EPSTI1: variants seen among roughly 807,000 people sequenced by gnomAD.
EPSTI1 encodes the protein epithelial stromal interaction 1.
A neutral mutation model predicts 49.9 loss-of-function variants in EPSTI1; 66 were observed. The observed-to-expected ratio is 1.32, with a 90% CI of 1.08 to 1.62. The LOEUF (loss-of-function observed/expected upper bound fraction) is 1.62, where lower values mean the gene tolerates loss of function less well. Ranked by LOEUF, EPSTI1 falls within the 40% of genes most tolerant of loss-of-function variation. The pLI is 0.00. For missense variants in EPSTI1, 394 were observed against 365.5 expected (o/e 1.08, Z -0.64); for synonymous variants, 137 against 130.7 (o/e 1.05, Z -0.33).
chr13:42,971,337 G>GTGTA (rs2039762535), intron 1 of EPSTI1, among the ~76,000 whole-genome samples: 1 of 152,196 alleles, frequency 6.6e-6, no homozygotes, highest in African/African-American at 2.4e-5. Flanking sequence ...CTTGATTGAT[G>GTGTA]TGTATTCCAA....
intron 8 of EPSTI1, among the ~76,000 whole-genome samples, chr13:42,913,149 TA>T (rs202137916): frequency 2.6e-4 from 38 of 148,604 alleles, no homozygotes; most frequent in South Asian, 4.3e-4. Context: ...TCAGTGTCAG[TA>T]AAAAAAAAGA....
chr13:42,930,094 C>A (rs9562440), intron 6 of EPSTI1, among the ~76,000 whole-genome samples: 96,948 of 152,104 alleles, frequency 0.64, 31,169 homozygotes, highest in Non-Finnish European at 0.68. Context: ...GATGGATATT[C>A]AATATGCATA....
At chr13:42,926,986 A>AACACAC (rs1422487357) in intron 6 of EPSTI1, among the ~76,000 whole-genome samples, 5 of 68,172 alleles carry the variant, frequency 7.3e-5, no homozygotes, top group African/African-American at 3.0e-4. Context: ...ACCCTCTGTT[A>AACACAC]ACAGACACAC....
intron 6 of EPSTI1, among the ~76,000 whole-genome samples, chr13:42,951,311 G>A (rs1175854886): frequency 6.6e-6 from 1 of 152,104 alleles, no homozygotes; most frequent in African/African-American, 2.4e-5. Context: ...CTTATTTCAT[G>A]AGTTATTGGT....
At chr13:42,982,622 C>T (rs1034332088) in intron 1 of EPSTI1, among the ~76,000 whole-genome samples, 1 of 152,166 alleles carries the variant, frequency 6.6e-6, no homozygotes, top group Non-Finnish European at 1.5e-5. Flanking sequence ...CAAAGGGAAT[C>T]CCCAGAGAAA....
At chr13:42,983,755 A>T (rs1357500020) in intron 1 of EPSTI1, among the ~76,000 whole-genome samples, 1 of 152,128 alleles carries the variant, frequency 6.6e-6, no homozygotes, top group Non-Finnish European at 1.5e-5. Flanking sequence ...TTCAAGACTC[A>T]GTTTCCTCAT....
rs770941534 is a variant in EPSTI1 at position 42,926,041 on chromosome 13, A to AAGGAAGGAAGGAAGGT, written c.657+294_657+295insACCTTCCTTCCTTCCT. On this transcript the variant is annotated intron_variant, in intron 7 of 10. Coordinates refer to ENST00000313624, the MANE Select transcript of EPSTI1 (RefSeq NM_033255.5). ...GATGCATGGATGGAAGGAAGGAAGG[A>AAGGAAGGAAGGAAGGT]AGGAAGGTAGGAAGGATGGAAGGAT... Among the ~76,000 whole-genome samples the AAGGAAGGAAGGAAGGT allele has an allele frequency of 8.6e-4, 119 of 137,982 alleles. 2 individuals are homozygous for AAGGAAGGAAGGAAGGT. Among genetic ancestry groups the AAGGAAGGAAGGAAGGT allele is most frequent in the East Asian group, 1.7e-3 (8 of 4,780 alleles). The allele number at this position is 137,982 out of a possible 152,430, so 90.5% of individuals were successfully genotyped here.
intron 6 of EPSTI1, among the ~76,000 whole-genome samples, chr13:42,944,461 T>C (rs556920072): frequency 6.5e-4 from 99 of 151,346 alleles, no homozygotes; most frequent in African/African-American, 2.2e-3. Flanking sequence ...TAAGTGGGAG[T>C]TGAACAACGA....
chr13:42,902,612 T>G (rs1535895), intron 8 of EPSTI1, among the ~76,000 whole-genome samples: 2 of 152,042 alleles, frequency 1.3e-5, no homozygotes, highest in African/African-American at 4.8e-5. Flanking sequence ...TGATATGCAA[T>G]GTTTAACCAG....
intron 8 of EPSTI1, 34 bp downstream of exon 8, chr13:42,917,507 C>T (rs1161376812): frequency 1.3e-6 from 2 of 1,537,560 alleles, no homozygotes; most frequent in Admixed American, 3.5e-5. Context: ...CTCAAATAAA[C>T]AGTTAGCAAT....
chr13:42,940,378 T>C (rs995040808), intron 6 of EPSTI1, among the ~76,000 whole-genome samples: 2 of 152,234 alleles, frequency 1.3e-5, no homozygotes, highest in Non-Finnish European at 2.9e-5. Flanking sequence ...TATGTTCTCT[T>C]ACCCTACCTC....
chr13:42,913,876 C>T (rs1041537126), intron 8 of EPSTI1, among the ~76,000 whole-genome samples: 4 of 152,286 alleles, frequency 2.6e-5, no homozygotes, highest in East Asian at 3.9e-4. Flanking sequence ...ATTGTGGAGG[C>T]GGATTGCCTC....
Position 42,926,433 on chromosome 13 carries a change from C to T in EPSTI1, c.564-4G>A, listed in dbSNP as rs781264457. ...GCTCAAGAACTCAGCGGTTTTGCTA[C>T]CAGAAACACAAACAGGTGTTAGTGC... is the stretch of plus-strand genomic sequence containing the variant. On this transcript the variant is annotated splice_polypyrimidine_tract_variant and splice_region_variant and intron_variant, in intron 6 of 10. Transcript: ENST00000313624. 1.3e-6 allele frequency: 2 copies of T among 1,587,740 alleles called. No homozygotes were observed. The highest frequency in any genetic ancestry group is 2.2e-5 in the East Asian group (1 of 44,776).
chr13:42,936,537 A>C (rs895061105), intron 6 of EPSTI1, among the ~76,000 whole-genome samples: 5 of 150,934 alleles, frequency 3.3e-5, no homozygotes, highest in Admixed American at 6.6e-5. Flanking sequence ...ATGATACCAC[A>C]CTCTTAATTT....
chr13:42,970,722 A>G (rs777247652), intron 1 of EPSTI1, 52 bp from the exon 2 acceptor site: 18 of 1,399,380 alleles, frequency 1.3e-5, no homozygotes, highest in Admixed American at 1.9e-5. Flanking sequence ...CTACCAATGC[A>G]TATAAGCCAC....
At chr13:42,981,911 A>G (rs1403555790) in intron 1 of EPSTI1, among the ~76,000 whole-genome samples, 1 of 151,438 alleles carries the variant, frequency 6.6e-6, no homozygotes, top group Non-Finnish European at 1.5e-5. Context: ...TGTCAAATGA[A>G]TTGCTCACTG....
In EPSTI1 at chr13:42,922,479, C is replaced by G. The variant is rs73468079; in HGVS notation, c.657+3857G>C. ...CATGCAGCCGTGTGCCAAGGGTTTGCGGGGACAGGGGACAGATGCCCCCCG... is the reference window on the plus strand; with the variant it reads ...CATGCAGCCGTGTGCCAAGGGTTTGGGGGGACAGGGGACAGATGCCCCCCG... On this transcript the variant is annotated intron_variant, in intron 7 of 10. Coordinates refer to ENST00000313624, the MANE Select transcript of EPSTI1 (RefSeq NM_033255.5). This position sits in a 1 kb window ranked among gnomAD's most constrained non-coding sequence, Gnocchi z 4.8. Among the ~76,000 whole-genome samples, 8,537 of 151,562 alleles carry G rather than the reference C, an allele frequency of 0.056. 306 individuals carry two copies. Among genetic ancestry groups the G allele is most frequent in the East Asian group, 0.091 (472 of 5,174 alleles).
chr13:42,903,697 C>T (rs1299038698), intron 8 of EPSTI1, among the ~76,000 whole-genome samples: 5 of 152,044 alleles, frequency 3.3e-5, no homozygotes, highest in Non-Finnish European at 5.9e-5. Flanking sequence ...ATGGACTAGC[C>T]GACTACTGTA....
intron 1 of EPSTI1, among the ~76,000 whole-genome samples, chr13:42,974,473 C>T (rs1008473026): frequency 6.6e-6 from 1 of 151,580 alleles, no homozygotes; most frequent in Admixed American, 6.6e-5. Context: ...CTGGCTAACA[C>T]GGTGAAACCC....
Sources: allele counts gnomAD v4.1 joint callset (sites outside exome capture counted in the v4.1 genomes callset), GRCh38; gene constraint gnomAD v4.1.1; non-coding constraint Gnocchi (gnomAD v3.1); transcripts MANE v1.5; gene names NCBI Gene and HGNC (gene_info 2026-07-23, HGNC 2026-07-21).